Variants in TENT2 observed in about 807,000 individuals in gnomAD.
TENT2 encodes terminal nucleotidyltransferase 2.
A neutral mutation model predicts 72.2 loss-of-function variants in TENT2; 44 were observed. The observed-to-expected ratio is 0.61, with a 90% CI of 0.48 to 0.78. The LOEUF is 0.78. Among genes scored for constraint, TENT2 ranks in the 30% least tolerant of loss-of-function variants. The pLI is 0.00. For synonymous variants in TENT2, 212 were observed against 192.5 expected (o/e 1.10, Z -0.84); for missense variants, 541 against 569.6 (o/e 0.95, Z 0.51).
At chr5:79,660,349 G>A (rs930199860) in intron 11 of TENT2, among the ~76,000 whole-genome samples, 3 of 151,990 alleles carry the variant, frequency 2.0e-5, no homozygotes, top group Non-Finnish European at 4.4e-5. Flanking sequence ...AGCTTATGAA[G>A]GAATCTTTAT....
intron 14 of TENT2, among the ~76,000 whole-genome samples, chr5:79,683,940 A>G (rs903061233): frequency 6.6e-6 from 1 of 150,882 alleles, no homozygotes; most frequent in Non-Finnish European, 1.5e-5. Flanking sequence ...AAAAAAAAAA[A>G]AAAAAAAAAA....
At chr5:79,632,947 A>G (rs1239105215) in intron 4 of TENT2, among the ~76,000 whole-genome samples, 1 of 152,178 alleles carries the variant, frequency 6.6e-6, no homozygotes, top group Non-Finnish European at 1.5e-5. Flanking sequence ...ATCAGACTTC[A>G]GGGGGAAAAC....
chr5:79,640,054 C>G (rs953756939), intron 4 of TENT2, among the ~76,000 whole-genome samples: 1 of 151,822 alleles, frequency 6.6e-6, no homozygotes, highest in African/African-American at 2.4e-5. Context: ...GTCAGGGGTT[C>G]GAGAGCAGCC....
Position 79,668,903 on chromosome 5 carries a change from T to C in TENT2, c.1083T>C (p.Ser361=). 6.2e-7 allele frequency: 1 copy of C among 1,609,352 alleles called. No homozygotes were observed. Among genetic ancestry groups the C allele is most frequent in the South Asian group, 1.1e-5 (1 of 90,156 alleles). The change falls in exon 12 of 15, where the codon AGT becomes AGC. Residue 361 remains serine, a synonymous_variant. Transcript: ENST00000453514. The part of the protein sequence containing the change: ...SLQKIYPESF[S]PAIQLHLVHQ... ...CTTCTTTTTGACAGGAGTCTTTTAG[T>C]CCTGCTATACAGCTGCACCTTGTAC... is the stretch of plus-strand genomic sequence containing the variant.
chr5:79,662,805 A>C (rs1804117963), intron 11 of TENT2, among the ~76,000 whole-genome samples: 1 of 152,210 alleles, frequency 6.6e-6, no homozygotes, highest in African/African-American at 2.4e-5. Context: ...TGAAGTCACC[A>C]GCTGCATTAG....
At chr5:79,615,883 T>C (rs1316983194) in intron 1 of TENT2, among the ~76,000 whole-genome samples, 1 of 151,950 alleles carries the variant, frequency 6.6e-6, no homozygotes, top group East Asian at 1.9e-4. Flanking sequence ...TGGCTAATTT[T>C]TGTTGTGTGT....
At position 79,683,336 on chromosome 5, in the gene TENT2, CACACA is replaced by C. The variant is rs1173786568; in HGVS notation, c.1380+1276_1380+1280del. On this transcript the variant is annotated intron_variant, in intron 14 of 14. Transcript: ENST00000453514. ...GCTCACACACACACACACACACACA[CACACA>C]CCCCACCTCACCTCACCCCACCCCT... is the stretch of plus-strand genomic sequence containing the variant. Among the ~76,000 whole-genome samples, 21 of 151,838 alleles carry C rather than the reference CACACA, an allele frequency of 1.4e-4. No individual in the cohort carries two copies. In the East Asian group the frequency reaches 2.9e-3, roughly 21 times the overall value.
At chr5:79,645,469 C>G (rs191586050) in intron 8 of TENT2, among the ~76,000 whole-genome samples, 1 of 151,794 alleles carries the variant, frequency 6.6e-6, no homozygotes, top group Non-Finnish European at 1.5e-5. Flanking sequence ...GATCTCTTGC[C>G]TTTTGGAAGT....
At chr5:79,674,636 A>C (rs1815750366) in intron 12 of TENT2, among the ~76,000 whole-genome samples, 1 of 152,222 alleles carries the variant, frequency 6.6e-6, no homozygotes, top group Non-Finnish European at 1.5e-5. Flanking sequence ...ACCGGTTACT[A>C]AGTGGTTCAG....
intron 4 of TENT2, among the ~76,000 whole-genome samples, chr5:79,635,529 AT>A (rs1779397067): frequency 6.6e-6 from 1 of 152,170 alleles, no homozygotes; most frequent in Admixed American, 6.5e-5. Context: ...CTTTATAAAT[AT>A]AATAACATTT....
intron 7 of TENT2, 172 bp downstream of exon 7, chr5:79,643,082 T>A (rs1785709774): frequency 1.6e-6 from 1 of 643,542 alleles, no homozygotes; most frequent in South Asian, 6.9e-5. Flanking sequence ...GAGTGATCAT[T>A]TATTCAACAT....
In TENT2 at chr5:79,629,808, C is replaced by T. The variant is rs1220592961; in HGVS notation, c.465+6319C>T. Reference sequence around the variant, plus strand: ...TGCCACTGCACTCCAGCCTGGGCAACAGAGTGAGACTCTGTCTCAAAAAAA... The same window carrying T: ...TGCCACTGCACTCCAGCCTGGGCAATAGAGTGAGACTCTGTCTCAAAAAAA... On this transcript the variant is annotated intron_variant, in intron 4 of 14. Transcript: ENST00000453514. Among the ~76,000 whole-genome samples the T allele has an allele frequency of 2.2e-5, 3 of 134,344 alleles. No individual in the cohort carries two copies. The East Asian group carries it at 6.7e-4, about 30-fold the overall frequency. The allele number at this position is 134,344 out of a possible 152,430, so 88.1% of individuals were successfully genotyped here.
intron 13 of TENT2, among the ~76,000 whole-genome samples, chr5:79,681,401 A>C (rs1162084551): frequency 6.6e-6 from 1 of 150,732 alleles, no homozygotes; most frequent in Non-Finnish European, 1.5e-5. Flanking sequence ...CTTGTGATCC[A>C]CCCACCTCAG....
intron 7 of TENT2, 119 bp downstream of exon 7, chr5:79,643,029 C>CT: frequency 5.7e-6 from 7 of 1,222,994 alleles, no homozygotes; most frequent in African/African-American, 1.6e-5. Context: ...AATATGAATT[C>CT]TTTTTTCCAA....
In TENT2 at chr5:79,686,206, T is replaced by A. The variant is rs2151048953; in HGVS notation, c.*933T>A. The A allele has an allele frequency of 6.5e-6, 1 of 152,708 alleles. No homozygotes were observed. Among genetic ancestry groups the A allele is most frequent in the Middle Eastern group, 3.4e-3 (1 of 294 alleles). The allele number at this position is 152,708 out of a possible 1,614,324, so 9.5% of individuals were successfully genotyped here. A position where few individuals can be genotyped will look rare whatever the true frequency, so the allele number is the denominator to read the frequency against. On this transcript the variant is annotated 3_prime_UTR_variant, in exon 15 of 15. Transcript: ENST00000453514. ...GGATTGTAATCTAAACTGGAATTTT[T>A]AGGCAGTAAGTCACCACAAAATGTT...
At chr5:79,661,175 T>G (rs960075373) in intron 11 of TENT2, among the ~76,000 whole-genome samples, 2 of 152,052 alleles carry the variant, frequency 1.3e-5, no homozygotes, top group African/African-American at 4.8e-5. Context: ...AAAGAAAAAT[T>G]TTAAAATAAA....
intron 10 of TENT2, among the ~76,000 whole-genome samples, chr5:79,650,809 C>A (rs944491865): frequency 1.3e-5 from 2 of 151,792 alleles, no homozygotes; most frequent in African/African-American, 4.8e-5. Context: ...AGGATGATAC[C>A]CAAATTGAGA....
intron 13 of TENT2, chr5:79,681,771 C>T (rs1433179696): frequency 4.8e-5 from 20 of 415,956 alleles, no homozygotes; most frequent in Non-Finnish European, 8.7e-5. Context: ...ATCACCCTCT[C>T]CCTTGAATTC....
chr5:79,624,964 C>G (rs951554303), intron 4 of TENT2, among the ~76,000 whole-genome samples: 2 of 152,156 alleles, frequency 1.3e-5, no homozygotes, highest in East Asian at 1.9e-4. Flanking sequence ...TTGTGAGGAA[C>G]TGCTGAAGTG....
Sources: gnomAD v4.1 joint callset for allele counts (sites outside exome capture counted in the v4.1 genomes callset) on GRCh38, gnomAD v4.1.1 for gene constraint, MANE v1.5 for transcripts, NCBI Gene and HGNC (gene_info 2026-07-23, HGNC 2026-07-21) for gene names.